Variants in PAK5 observed in about 807,000 individuals in gnomAD.
PAK5 encodes the protein serine/threonine-protein kinase PAK 5.
A neutral mutation model predicts 65.9 loss-of-function variants in PAK5; 16 were observed. The observed-to-expected ratio is 0.24, with a 90% CI of 0.16 to 0.37. The LOEUF (loss-of-function observed/expected upper bound fraction) is 0.37, where lower values mean the gene tolerates loss of function less well. Ranked by LOEUF, PAK5 falls within the 10% of genes least tolerant of loss-of-function variation. PAK5 has a pLI of 1.00. For missense variants in PAK5, 785 were observed against 903.9 expected, an observed-to-expected ratio of 0.87 and a Z score of 1.69; for synonymous variants, 371 against 354.9, an observed-to-expected ratio of 1.05 and a Z score of -0.51.
chr20:9,823,626 G>A (rs899478233), intron 1 of PAK5, among the ~76,000 whole-genome samples: 1 of 152,192 alleles, frequency 6.6e-6, no homozygotes, highest in Non-Finnish European at 1.5e-5. Context: ...TCCCAGCCAT[G>A]TAGAACTGTG....
chr20:9,598,650 T>A (rs1378602407), intron 3 of PAK5, among the ~76,000 whole-genome samples: 1 of 152,160 alleles, frequency 6.6e-6, no homozygotes, highest in East Asian at 1.9e-4. Flanking sequence ...ATAATCACCA[T>A]TCTGACTGGT....
intron 3 of PAK5, among the ~76,000 whole-genome samples, chr20:9,592,203 G>A (rs960241165): frequency 6.6e-6 from 1 of 152,168 alleles, no homozygotes; most frequent in African/African-American, 2.4e-5. Flanking sequence ...GGGAGATGGT[G>A]GATAAGGAAT....
intron 1 of PAK5, among the ~76,000 whole-genome samples, chr20:9,798,210 C>A (rs187343770): frequency 1.3e-5 from 2 of 151,812 alleles, no homozygotes; most frequent in East Asian, 3.9e-4. Context: ...TTTGACTTTG[C>A]AAGGTTGCAG....
intron 4 of PAK5, chr20:9,577,726 A>T (rs575543895): frequency 6.6e-6 from 1 of 152,164 alleles, no homozygotes; most frequent in Non-Finnish European, 1.5e-5. Context: ...CAAAACAAAA[A>T]CCTGCTCATG....
chr20:9,748,267 T>C (rs1295357191), intron 1 of PAK5, among the ~76,000 whole-genome samples: 1 of 152,092 alleles, frequency 6.6e-6, no homozygotes, highest in Non-Finnish European at 1.5e-5. Context: ...CTGCCCAAGG[T>C]AATTTATAGA....
chr20:9,716,737 G>A (rs553738671), intron 1 of PAK5, among the ~76,000 whole-genome samples: 20 of 152,116 alleles, frequency 1.3e-4, no homozygotes, highest in Admixed American at 2.6e-4. Flanking sequence ...CCATTAAGAA[G>A]ACTTTACCCA....
chr20:9,655,410 CT>C lies in PAK5; in HGVS notation c.-11-11072del, dbSNP rs1057019297. 2.3e-3 allele frequency among the ~76,000 whole-genome samples: 342 copies of C among 146,830 alleles called. 1 individual carries two copies. Among genetic ancestry groups the C allele is most frequent in the Admixed American group, 5.3e-3 (77 of 14,648 alleles). On this transcript the variant is annotated intron_variant, in intron 2 of 9. Coordinates refer to ENST00000353224, the MANE Select transcript of PAK5 (RefSeq NM_177990.4). Reference sequence around the variant, plus strand: ...CTCTAAGTACATTGTGTGGGACTTGCTTTTTTTTTTGAGTCATTTAGCCTAT... The same window carrying C: ...CTCTAAGTACATTGTGTGGGACTTGCTTTTTTTTTGAGTCATTTAGCCTAT...
intron 1 of PAK5, among the ~76,000 whole-genome samples, chr20:9,832,289 T>C (rs2011854581): frequency 6.6e-6 from 1 of 152,060 alleles, no homozygotes; most frequent in South Asian, 2.1e-4. Context: ...TTTTTTTTAA[T>C]GGTGACAGAG....
intron 3 of PAK5, among the ~76,000 whole-genome samples, chr20:9,616,593 C>T (rs564750369): frequency 2.0e-5 from 3 of 152,332 alleles, no homozygotes; most frequent in Admixed American, 6.5e-5. Context: ...GACTGAGATT[C>T]CACATCTAAC....
chr20:9,571,966 G>T (rs973526158), intron 4 of PAK5, among the ~76,000 whole-genome samples: 2 of 151,786 alleles, frequency 1.3e-5, no homozygotes, highest in Admixed American at 6.6e-5. Flanking sequence ...TTTCACTGGG[G>T]GCCCAGATGT....
At chr20:9,695,498 A>T (rs944376992) in intron 2 of PAK5, among the ~76,000 whole-genome samples, 1 of 152,058 alleles carries the variant, frequency 6.6e-6, no homozygotes, top group East Asian at 1.9e-4. Context: ...ATCTATGTGT[A>T]TTGCAACTGG....
intron 1 of PAK5, among the ~76,000 whole-genome samples, chr20:9,824,692 A>C (rs1354716164): frequency 6.6e-6 from 1 of 151,934 alleles, no homozygotes; most frequent in Middle Eastern, 3.2e-3. Context: ...TCCTATTTAA[A>C]ATCACGCCCT....
intron 1 of PAK5, among the ~76,000 whole-genome samples, chr20:9,761,932 A>G (rs2423469): frequency 0.27 from 41,374 of 152,034 alleles, 5,780 homozygotes; most frequent in Admixed American, 0.29. Flanking sequence ...CCAATTGAAC[A>G]GAATAAAAAA....
chr20:9,587,131 A>G (rs1367300083), intron 3 of PAK5, among the ~76,000 whole-genome samples: 1 of 152,120 alleles, frequency 6.6e-6, no homozygotes, highest in Non-Finnish European at 1.5e-5. Flanking sequence ...ACTATTGGCC[A>G]GGGCGGGGTG....
chr20:9,559,565 C>T (rs903324858), intron 6 of PAK5, among the ~76,000 whole-genome samples: 5 of 152,120 alleles, frequency 3.3e-5, no homozygotes, highest in Non-Finnish European at 7.4e-5. Context: ...AGTTCGAGAC[C>T]AGCCTGGCCA....
chr20:9,646,872 G>A (rs1168458223), intron 2 of PAK5, among the ~76,000 whole-genome samples: 2 of 152,184 alleles, frequency 1.3e-5, no homozygotes, highest in African/African-American at 2.4e-5. Flanking sequence ...GCAACTAGTC[G>A]ACCCTGAGAA....
At chr20:9,734,700 C>G (rs923674159) in intron 1 of PAK5, among the ~76,000 whole-genome samples, 1 of 152,178 alleles carries the variant, frequency 6.6e-6, no homozygotes, top group Admixed American at 6.5e-5. Context: ...ATAACCAACA[C>G]TGATCTAAAA....
intron 1 of PAK5, among the ~76,000 whole-genome samples, chr20:9,808,899 A>G (rs1329706201): frequency 6.6e-6 from 1 of 152,194 alleles, no homozygotes; most frequent in Non-Finnish European, 1.5e-5. Context: ...CTGTTGTTTT[A>G]AAAAATGAGA....
chr20:9,649,975 C>T (rs1050272798), intron 2 of PAK5, among the ~76,000 whole-genome samples: 13 of 152,258 alleles, frequency 8.5e-5, no homozygotes, highest in South Asian at 2.1e-4. Context: ...ATTCAAAACC[C>T]GGCAGTCCAC....
Sources: gnomAD v4.1 joint callset for allele counts (sites outside exome capture counted in the v4.1 genomes callset) on GRCh38, gnomAD v4.1.1 for gene constraint, MANE v1.5 for transcripts, NCBI Gene and HGNC (gene_info 2026-07-23, HGNC 2026-07-21) for gene names.